Variants in CAMK1D observed in about 807,000 individuals in gnomAD.
CAMK1D encodes calcium/calmodulin dependent protein kinase ID.
CAMK1D carries 9 observed loss-of-function variants against 47.7 expected under a neutral mutation model. The observed-to-expected ratio is 0.19, with a 90% CI of 0.11 to 0.33. The LOEUF is 0.33. CAMK1D is among the 10% of genes least tolerant of loss of function. The pLI is 1.00. For synonymous variants in CAMK1D, 184 were observed against 184.9 expected (o/e 0.99, Z 0.04); for missense variants, 291 against 488.7 (o/e 0.60, Z 3.81).
At chr10:12,546,328 C>A (rs973124878) in intron 1 of CAMK1D, among the ~76,000 whole-genome samples, 1 of 151,892 alleles carries the variant, frequency 6.6e-6, no homozygotes, top group Non-Finnish European at 1.5e-5. Flanking sequence ...AGAGTCTTGT[C>A]AGCGGAAAAC....
At chr10:12,397,920 G>A (rs1403136808) in intron 1 of CAMK1D, among the ~76,000 whole-genome samples, 1 of 152,048 alleles carries the variant, frequency 6.6e-6, no homozygotes, top group Non-Finnish European at 1.5e-5. Flanking sequence ...GCTTCTTTTC[G>A]AGGGGCCCAA....
In CAMK1D at chr10:12,629,770, G is replaced by A. The variant is rs571851068; in HGVS notation, c.225-36966G>A. Among the ~76,000 whole-genome samples, 9 of 152,314 alleles carry A rather than the reference G, an allele frequency of 5.9e-5. No homozygotes were observed. In the East Asian group the frequency reaches 1.7e-3, roughly 29 times the overall value. On this transcript the variant is annotated intron_variant, in intron 2 of 10. Coordinates refer to ENST00000619168, the MANE Select transcript of CAMK1D (RefSeq NM_153498.4). ...GGGCTCAAGCCATTGTTTCCTCGTA[G>A]CATCCTCAAAAGCAAGGGGTTCTGG...
intron 8 of CAMK1D, among the ~76,000 whole-genome samples, chr10:12,816,957 C>T (rs547873607): frequency 4.0e-5 from 6 of 151,542 alleles, no homozygotes; most frequent in South Asian, 2.1e-4. Flanking sequence ...CACAGTTCCA[C>T]GTGGCTGGGG....
In CAMK1D at chr10:12,794,658, C is replaced by T. The variant is rs144013748; in HGVS notation, c.641+3425C>T. Among the ~76,000 whole-genome samples, 19 of 152,250 alleles carry T rather than the reference C, an allele frequency of 1.2e-4. No homozygotes were observed. The East Asian group carries it at 3.7e-3, about 29-fold the overall frequency. On this transcript the variant is annotated intron_variant, in intron 6 of 10. Coordinates refer to ENST00000619168, the MANE Select transcript of CAMK1D (RefSeq NM_153498.4). ...CTAGCTTTGCCCCAGAGACTAGTCCCACATCAATTTCATGACACTGTCAGA... is the reference window on the plus strand; with the variant it reads ...CTAGCTTTGCCCCAGAGACTAGTCCTACATCAATTTCATGACACTGTCAGA...
intron 3 of CAMK1D, among the ~76,000 whole-genome samples, chr10:12,708,959 C>T (rs930650158): frequency 3.9e-5 from 6 of 152,240 alleles, no homozygotes; most frequent in South Asian, 4.1e-4. Context: ...CATCTCTTAA[C>T]GGCATCCCAG....
At chr10:12,374,458 T>C (rs1165704050) in intron 1 of CAMK1D, among the ~76,000 whole-genome samples, 1 of 151,992 alleles carries the variant, frequency 6.6e-6, no homozygotes, top group Non-Finnish European at 1.5e-5. Flanking sequence ...CCAGTCTCTG[T>C]GTCCTTGCTC....
chr10:12,552,008 T>C (rs185875290), intron 1 of CAMK1D, among the ~76,000 whole-genome samples: 115 of 152,276 alleles, frequency 7.6e-4, no homozygotes, highest in African/African-American at 2.7e-3. Flanking sequence ...CAGTGGGCTG[T>C]GGTACTTCCC....
intron 2 of CAMK1D, among the ~76,000 whole-genome samples, chr10:12,626,027 A>G (rs1416820792): frequency 6.6e-6 from 1 of 152,230 alleles, no homozygotes; most frequent in African/African-American, 2.4e-5. Context: ...ACATATGTCA[A>G]AAGTTATATC....
At position 12,491,857 on chromosome 10, in the gene CAMK1D, G is replaced by A. The variant is rs560501296; in HGVS notation, c.93-61368G>A. Among the ~76,000 whole-genome samples the A allele has an allele frequency of 4.6e-5, 7 of 152,180 alleles. No homozygotes were observed. In the South Asian group the frequency reaches 6.2e-4, roughly 14 times the overall value. ...GGCTGGAGTTCAGTGGTGCCATCTC[G>A]GTCACTGCAGCCTCCATCTCCCGGG... On this transcript the variant is annotated intron_variant, in intron 1 of 10. Transcript: ENST00000619168.
Position 12,553,251 on chromosome 10 carries a change from C to G in CAMK1D, c.119C>G (p.Ala40Gly). The G allele has an allele frequency of 1.2e-6, 2 of 1,614,170 alleles. No individual in the cohort carries two copies. Among genetic ancestry groups the G allele is most frequent in the Non-Finnish European group, 1.7e-6 (2 of 1,180,016 alleles). ...GGGGCCTTTTCCGAAGTGGTTTTAG[C>G]TGAAGAGAAGGCAACTGGCAAGCTC... ...GTGAFSEVVLAEEKATGKLFA... is the reference protein window; with the variant it reads ...GTGAFSEVVLGEEKATGKLFA... The change falls in exon 2 of 11, where the codon GCT becomes GGT. Residue 40 changes from alanine to glycine, a missense_variant. Ala to Gly is a moderately conservative substitution (Grantham distance 60). Transcript: ENST00000619168.
chr10:12,798,701 G>A (rs1239862621), intron 6 of CAMK1D, among the ~76,000 whole-genome samples: 1 of 152,226 alleles, frequency 6.6e-6, no homozygotes. Context: ...TGAGAAAAGA[G>A]ATGCCATTCA....
rs186311494 is a variant in CAMK1D, at chr10:12,356,302, C to T, written c.92+6392C>T. The stretch of plus-strand genomic sequence containing the variant: ...GATTCCCCAAGGACCTGGGCTTGGA[C>T]GAACAGTTCATTTGGTGGTTTTGTT... On this transcript the variant is annotated intron_variant, in intron 1 of 10. Coordinates refer to ENST00000619168, the MANE Select transcript of CAMK1D (RefSeq NM_153498.4). 7.0e-4 allele frequency among the ~76,000 whole-genome samples: 106 copies of T among 152,166 alleles called. 2 individuals are homozygous for T. Among genetic ancestry groups the T allele is most frequent in the African/African-American group, 2.3e-3 (96 of 41,498 alleles).
At chr10:12,396,566 T>C (rs1465275199) in intron 1 of CAMK1D, among the ~76,000 whole-genome samples, 2 of 152,234 alleles carry the variant, frequency 1.3e-5, no homozygotes, top group African/African-American at 4.8e-5. Context: ...AAGGGCTATG[T>C]AGAAGGTATT....
At chr10:12,507,247 C>G (rs1834903608) in intron 1 of CAMK1D, among the ~76,000 whole-genome samples, 2 of 152,172 alleles carry the variant, frequency 1.3e-5, no homozygotes, top group South Asian at 4.1e-4. Flanking sequence ...AGTGGAGAAA[C>G]ACAAAGAGGC....
chr10:12,565,911 A>G (rs1295294594), intron 2 of CAMK1D, among the ~76,000 whole-genome samples: 3 of 151,914 alleles, frequency 2.0e-5, no homozygotes, highest in Non-Finnish European at 2.9e-5. Context: ...TCTAGGTAGG[A>G]GGTGTTCACT....
chr10:12,350,389 A>C (rs913476235), intron 1 of CAMK1D, among the ~76,000 whole-genome samples: 1 of 152,244 alleles, frequency 6.6e-6, no homozygotes, highest in Non-Finnish European at 1.5e-5. Flanking sequence ...ATCTGCACGT[A>C]CGAGGTGTAG....
chr10:12,810,566 C>T lies in CAMK1D; in HGVS notation c.642-3629C>T, dbSNP rs142991001. ...TTGGGATTACAGGCGTGAGCCACCA[C>T]ACCCGGCCCAGGTAGCATCTTATTT... On this transcript the variant is annotated intron_variant, in intron 6 of 10. Transcript: ENST00000619168. 9.1e-4 allele frequency among the ~76,000 whole-genome samples: 138 copies of T among 152,338 alleles called. 2 individuals carry two copies. In the East Asian group the frequency reaches 0.026, roughly 29 times the overall value.
chr10:12,535,692 G>T (rs1298396557), intron 1 of CAMK1D, among the ~76,000 whole-genome samples: 1 of 152,172 alleles, frequency 6.6e-6, no homozygotes, highest in Non-Finnish European at 1.5e-5. Flanking sequence ...ACTTCATGAA[G>T]GTTTGGTGCT....
chr10:12,717,875 C>CA (rs1588842781), intron 3 of CAMK1D, among the ~76,000 whole-genome samples: 2 of 121,124 alleles, frequency 1.7e-5, no homozygotes, highest in African/African-American at 6.5e-5. Flanking sequence ...GCCTGGGCAA[C>CA]AGAGTGAGAC....
Sources: gnomAD v4.1 joint callset for allele counts (sites outside exome capture counted in the v4.1 genomes callset) on GRCh38, gnomAD v4.1.1 for gene constraint, MANE v1.5 for transcripts, NCBI Gene and HGNC (gene_info 2026-07-23, HGNC 2026-07-21) for gene names.